Variants in RBFOX1 observed in about 807,000 individuals in gnomAD.
RBFOX1 encodes RNA binding protein fox-1 homolog 1.
In RBFOX1, 8 loss-of-function variants were observed where a neutral mutation model predicts 57.7. That is an observed-to-expected ratio of 0.14 (90% CI 0.08 to 0.25). The LOEUF (loss-of-function observed/expected upper bound fraction) is 0.25. Among genes scored for constraint, RBFOX1 ranks in the 10% least tolerant of loss-of-function variants. The pLI is 1.00. For synonymous variants in RBFOX1, 326 were observed against 222.4 expected (o/e 1.47, Z -4.15); for missense variants, 611 against 548.5 (o/e 1.11, Z -1.14).
intron 4 of RBFOX1, among the ~76,000 whole-genome samples, chr16:7,224,259 C>A (rs368557649): frequency 6.0e-5 from 9 of 150,704 alleles, no homozygotes; most frequent in Admixed American, 3.3e-4. Context: ...TTTTAGTCAT[C>A]GTACAAGCCA....
At chr16:7,352,680 A>C (rs1248251099) in intron 4 of RBFOX1, among the ~76,000 whole-genome samples, 1 of 152,090 alleles carries the variant, frequency 6.6e-6, no homozygotes, top group Non-Finnish European at 1.5e-5. Flanking sequence ...CTTGTCCTGG[A>C]TCTGCCCCTC....
intron 5 of RBFOX1, among the ~76,000 whole-genome samples, chr16:7,567,309 ATATATATATATATC>A (rs2092013610): frequency 3.3e-5 from 1 of 30,018 alleles, no homozygotes; most frequent in African/African-American, 1.4e-4. Flanking sequence ...GGCCCTATAT[ATATATATATATATC>A]TCCCTATATA....
chr16:6,171,886 A>T (rs77599506), intron 1 of RBFOX1, among the ~76,000 whole-genome samples: 142 of 151,918 alleles, frequency 9.3e-4, no homozygotes, highest in African/African-American at 3.3e-3. Flanking sequence ...CAGTGGCATG[A>T]TTTCCGCTCA....
intron 3 of RBFOX1, among the ~76,000 whole-genome samples, chr16:6,996,355 G>A (rs1379721122): frequency 6.6e-6 from 1 of 152,050 alleles, no homozygotes; most frequent in Non-Finnish European, 1.5e-5. Context: ...TCTGTTCTGT[G>A]GTTTTGTGCA....
intron 3 of RBFOX1, among the ~76,000 whole-genome samples, chr16:5,863,022 G>T (rs906681466): frequency 6.6e-6 from 1 of 152,160 alleles, no homozygotes; most frequent in African/African-American, 2.4e-5. Context: ...TCATGTGGCA[G>T]AATCCCTGCC....
intron 4 of RBFOX1, among the ~76,000 whole-genome samples, chr16:7,389,039 A>T (rs1264867617): frequency 6.6e-6 from 1 of 152,178 alleles, no homozygotes; most frequent in Non-Finnish European, 1.5e-5. Flanking sequence ...GCCTGAATGA[A>T]TTGGGGGTAT....
chr16:6,465,873 C>CATTTGTGT (rs1337504015), intron 2 of RBFOX1, among the ~76,000 whole-genome samples: 3 of 69,074 alleles, frequency 4.3e-5, no homozygotes, highest in Non-Finnish European at 8.9e-5. Context: ...AAACTAAATA[C>CATTTGTGT]ATTTGTGTGT....
chr16:5,801,516 CAT>C (rs1414604654), intron 3 of RBFOX1, among the ~76,000 whole-genome samples: 2 of 152,134 alleles, frequency 1.3e-5, no homozygotes, highest in African/African-American at 2.4e-5. Context: ...AAAGCAGAGA[CAT>C]ATGTGTCTCG....
intron 3 of RBFOX1, among the ~76,000 whole-genome samples, chr16:5,827,607 C>G (rs1241117983): frequency 2.0e-5 from 3 of 152,190 alleles, no homozygotes; most frequent in South Asian, 2.1e-4. Flanking sequence ...CTACTCAACT[C>G]TACTGCAGTG....
intron 1 of RBFOX1, among the ~76,000 whole-genome samples, chr16:5,466,696 C>G (rs769914193): frequency 6.6e-5 from 10 of 152,212 alleles, no homozygotes; most frequent in Non-Finnish European, 1.0e-4. Flanking sequence ...TTGACATCAT[C>G]TCTTTGCCTC....
chr16:5,375,500 C>A (rs937344279), intron 1 of RBFOX1, among the ~76,000 whole-genome samples: 3 of 151,976 alleles, frequency 2.0e-5, no homozygotes, highest in Admixed American at 6.6e-5. Context: ...GTGGGGAGGG[C>A]CAGGGGGCAG....
chr16:7,598,860 TG>T (rs2094855206), intron 9 of RBFOX1, among the ~76,000 whole-genome samples: 1 of 152,242 alleles, frequency 6.6e-6, no homozygotes, highest in Non-Finnish European at 1.5e-5. Context: ...AACTAAATAC[TG>T]ATTGTTTATC....
In RBFOX1 at chr16:5,390,184, A is replaced by C. The variant is rs183789220; in HGVS notation, c.220-77032A>C. Among the ~76,000 whole-genome samples, 13 of 152,262 alleles carry C rather than the reference A, an allele frequency of 8.5e-5. No homozygotes were observed. In the South Asian group the frequency reaches 2.7e-3, roughly 32 times the overall value. On this transcript the variant is annotated intron_variant, in intron 1 of 2. Transcript: ENST00000585867. ...TGCTCTTGACAACTTTTAATTTCAC[A>C]ATATATTTTTATGCACTACATATAG...
Position 7,215,103 on chromosome 16 carries a change from C to G in RBFOX1, c.27+163005C>G, listed in dbSNP as rs138352477. 7.8e-3 allele frequency among the ~76,000 whole-genome samples: 1,188 copies of G among 152,230 alleles called. 16 individuals are homozygous for G. Among genetic ancestry groups the G allele is most frequent in the African/African-American group, 0.027 (1,123 of 41,532 alleles). ...GCCCTGGTGTGTGATGTTCGCCTCC[C>G]TACGTCCATGTGTTCTCATTGTTCA... On this transcript the variant is annotated intron_variant, in intron 4 of 15. Transcript: ENST00000550418.
intron 3 of RBFOX1, among the ~76,000 whole-genome samples, chr16:6,969,050 T>A (rs934984805): frequency 3.3e-5 from 5 of 152,104 alleles, no homozygotes; most frequent in African/African-American, 1.2e-4. Context: ...GTTAATACAG[T>A]TCCCATCCGA....
chr16:7,626,724 T>A (rs1272584675), intron 10 of RBFOX1, among the ~76,000 whole-genome samples: 1 of 152,170 alleles, frequency 6.6e-6, no homozygotes, highest in Admixed American at 6.5e-5. Flanking sequence ...TATTTGAACT[T>A]CAGGCATGCA....
chr16:5,349,811 C>T (rs534073761), intron 1 of RBFOX1, among the ~76,000 whole-genome samples: 4 of 152,382 alleles, frequency 2.6e-5, no homozygotes, highest in Non-Finnish European at 5.9e-5. Flanking sequence ...CTGGAGCTAC[C>T]TTGGCCCACG....
At position 7,050,477 on chromosome 16, in the gene RBFOX1, G is replaced by C. The variant is rs143189506; in HGVS notation, c.-15-1580G>C. Among the ~76,000 whole-genome samples the C allele has an allele frequency of 3.9e-5, 6 of 152,036 alleles. No homozygotes were observed. In the East Asian group the frequency reaches 9.7e-4, roughly 25 times the overall value. On this transcript the variant is annotated intron_variant, in intron 3 of 15. Transcript: ENST00000550418. ...GAAGAGGTTTCACCATATTGGCCAG[G>C]TTTGTCTCGAATTCCTGACCTCACA...
intron 3 of RBFOX1, among the ~76,000 whole-genome samples, chr16:5,852,176 C>A (rs2056913653): frequency 6.6e-6 from 1 of 152,162 alleles, no homozygotes; most frequent in African/African-American, 2.4e-5. Context: ...GGGAAAGCTT[C>A]CTTATCTTCC....
Sources: allele counts gnomAD v4.1 joint callset (sites outside exome capture counted in the v4.1 genomes callset), GRCh38; gene constraint gnomAD v4.1.1; transcripts MANE v1.5; gene names NCBI Gene and HGNC (gene_info 2026-07-23, HGNC 2026-07-21).